The following FBRS variants were observed in gnomAD, a reference collection of about 807,000 sequenced individuals.
FBRS encodes the protein fibrosin, also known as probable fibrosin-1.
In FBRS, 15 loss-of-function variants were observed where a neutral mutation model predicts 86.1. The ratio of observed to expected loss-of-function variants is 0.17; its 90% CI spans 0.12 to 0.27. The LOEUF (loss-of-function observed/expected upper bound fraction) is 0.27. FBRS is among the 10% of genes least tolerant of loss of function. FBRS has a pLI of 1.00. For synonymous variants in FBRS, 666 were observed against 575.8 expected (o/e 1.16, Z -2.24); for missense variants, 1,367 against 1,301.6 (o/e 1.05, Z -0.77).
rs2052576582 is a variant in FBRS at position 30,669,943 on chromosome 16, AGGGCCTCTAGGCCCT to A, written c.*305_*319del. ...CCTGAGGTACACCTTTGCCCCTGTAAGGGCCTCTAGGCCCTGGGCCTGCCTCCCCAAGGGCTCACT... is the reference window on the plus strand; with the variant it reads ...CCTGAGGTACACCTTTGCCCCTGTAAGGGCCTGCCTCCCCAAGGGCTCACT... On this transcript the variant is annotated 3_prime_UTR_variant, in exon 18 of 18. Transcript: ENST00000356166. This position sits in a 1 kb window ranked among gnomAD's most constrained non-coding sequence, Gnocchi z 5.9. 2 of 544,334 alleles carry A rather than the reference AGGGCCTCTAGGCCCT, an allele frequency of 3.7e-6. No individual in the cohort carries two copies. Among genetic ancestry groups the A allele is most frequent in the Non-Finnish European group, 6.6e-6 (2 of 302,968 alleles). The allele number at this position is 544,334 out of a possible 1,614,324, so 33.7% of individuals were successfully genotyped here.
In FBRS at chr16:30,670,786, T is replaced by C. The variant is rs375161561; in HGVS notation, c.*1141T>C. On this transcript the variant is annotated 3_prime_UTR_variant, in exon 18 of 18. Transcript: ENST00000356166. Reference sequence around the variant, plus strand: ...CTGTAACATGACTTGCGAATATTTATATAAAAACGAGTGTTACAATGAGAC... The same window carrying C: ...CTGTAACATGACTTGCGAATATTTACATAAAAACGAGTGTTACAATGAGAC... 1 of 156,868 alleles carries C rather than the reference T, an allele frequency of 6.4e-6. No homozygotes were observed. Among genetic ancestry groups the C allele is most frequent in the Non-Finnish European group, 1.4e-5 (1 of 70,072 alleles). The allele number at this position is 156,868 out of a possible 1,614,324, so 9.7% of individuals were successfully genotyped here.
rs530067470 is a variant in FBRS, at chr16:30,659,887, C to T, written c.369C>T (p.Ala123=). 3 of 1,548,234 alleles carry T rather than the reference C, an allele frequency of 1.9e-6. No homozygotes were observed. The highest frequency in any genetic ancestry group is 1.2e-5 in the South Asian group (1 of 84,112). ...AGGGGGGCGCAGACGACGGCGAAGCCGAGGAGGAGCCTGAGGAGGAGGAAG... is the reference window on the plus strand; with the variant it reads ...AGGGGGGCGCAGACGACGGCGAAGCTGAGGAGGAGCCTGAGGAGGAGGAAG... ...EEEGGADDGE[A]EEEPEEEEEE... Residue 123 remains alanine (A), a synonymous_variant, in exon 1 of 18, where the codon GCC becomes GCT. Transcript: ENST00000356166.
In FBRS at chr16:30,665,128, A is replaced by C; in HGVS notation, c.1608+49A>C. ...TATGGGGTGTGTGGTGTGGGCGTGG[A>C]TGCATCCATGCTTGTGACCCTGACT... On this transcript the variant is annotated intron_variant, in intron 9 of 17. Coordinates refer to ENST00000356166, the MANE Select transcript of FBRS (RefSeq NM_001105079.3). This position sits in a 1 kb window ranked among gnomAD's most constrained non-coding sequence, Gnocchi z 4.1. The C allele has an allele frequency of 6.3e-7, 1 of 1,594,136 alleles. No individual in the cohort carries two copies. Among genetic ancestry groups the C allele is most frequent in the Non-Finnish European group, 8.5e-7 (1 of 1,171,498 alleles).
Position 30,669,403 on chromosome 16 carries a change from G to A in FBRS, c.2701G>A (p.Gly901Ser), listed in dbSNP as rs1188281370. The change falls in exon 18 of 18, where the codon GGT (glycine) becomes AGT (serine). Residue 901 changes from glycine (G) to serine (S), a missense_variant. Coordinates refer to ENST00000356166, the MANE Select transcript of FBRS (RefSeq NM_001105079.3). The surrounding 1 kb of genome is among the most constrained non-coding windows in gnomAD (Gnocchi z 5.9). ...AAGGCCACCCCGCTTCTATGAGGCG[G>A]GTGAGGAGCTAACTGGACCCGGGGC... The part of the protein sequence containing the change: ...LARPPRFYEA[G>S]EELTGPGAVA... 6.2e-7 allele frequency: 1 copy of A among 1,612,672 alleles called. No individual in the cohort carries two copies. Among genetic ancestry groups the A allele is most frequent in the Non-Finnish European group, 8.5e-7 (1 of 1,179,792 alleles).
At chr16:30,662,490 TGGAGGCACG>T in intron 5 of FBRS, 22 bp downstream of exon 5, 1 of 1,550,664 alleles carries the variant, frequency 6.4e-7, no homozygotes, top group Non-Finnish European at 8.7e-7. Flanking sequence ...GGTCTGGGGC[TGGAGGCACG>T]GGAGGGCAGT....
chr16:30,661,190 G>A lies in FBRS; in HGVS notation c.650G>A (p.Arg217His), dbSNP rs772933850. ...TCTGGTCTTCCTCAGGCGTCCTCCC[G>A]TCACTCTCTGGAAGCTGGATACATA... ...NKRRRKEASSRHSLEAGYICD... is the reference protein window; with the variant it reads ...NKRRRKEASSHHSLEAGYICD... Residue 217 changes from arginine (R) to histidine (H), a missense_variant, in exon 3 of 18, where the codon CGT (arginine) becomes CAT (histidine). Physicochemically the swap from Arg to His is conservative, Grantham distance 29. Around this residue, in one of 3 missense-constraint regions of FBRS, gnomAD observed 702 missense variants for 598.7 expected, o/e 1.17. Coordinates refer to ENST00000356166, the MANE Select transcript of FBRS (RefSeq NM_001105079.3). 21 of 1,550,442 alleles carry A rather than the reference G, an allele frequency of 1.4e-5. No individual in the cohort carries two copies. The highest frequency in any genetic ancestry group is 1.7e-5 in the Non-Finnish European group (20 of 1,147,004).
chr16:30,659,782 T>TCGACCCCCG lies in FBRS; in HGVS notation c.272_280dup (p.Pro91_Pro93dup), dbSNP rs1460099238. Reference sequence around the variant, plus strand: ...GACGCCGGCGGCCCCGTCCGAGACCTCGACCCCCGCGACCCCGAGCTCGGA... The same window carrying TCGACCCCCG: ...GACGCCGGCGGCCCCGTCCGAGACCTCGACCCCCGCGACCCCCGCGACCCCGAGCTCGGA... On this transcript the variant is annotated inframe_insertion, in exon 1 of 18. Coordinates refer to ENST00000356166, the MANE Select transcript of FBRS (RefSeq NM_001105079.3). The TCGACCCCCG allele has an allele frequency of 3.4e-6, 5 of 1,487,778 alleles. No homozygotes were observed. The highest frequency in any genetic ancestry group is 4.5e-6 in the Non-Finnish European group (5 of 1,122,604). 92.2% of individuals were successfully genotyped at this position (1,487,778 alleles called of 1,614,324 possible).
At chr16:30,668,473 C>A in intron 15 of FBRS, 87 bp from the exon 16 acceptor site, 1 of 1,201,738 alleles carries the variant, frequency 8.3e-7, no homozygotes, top group Non-Finnish European at 1.2e-6. Context: ...GGACTCCAGG[C>A]ACCGGTCCTG....
intron 13 of FBRS, 31 bp downstream of exon 13, chr16:30,667,021 G>A: frequency 6.3e-7 from 1 of 1,582,902 alleles, no homozygotes; most frequent in Non-Finnish European, 8.6e-7. Context: ...GGGAGAGTGG[G>A]TCTCAGAGTC....
chr16:30,670,006 C>A lies in FBRS; in HGVS notation c.*361C>A. On this transcript the variant is annotated 3_prime_UTR_variant, in exon 18 of 18. Transcript: ENST00000356166. Reference sequence around the variant, plus strand: ...ACTAAGCCAGAGGCCAAAGTGCCCCCTCCCGTTCACCTACCACCCAAGTCC... The same window carrying A: ...ACTAAGCCAGAGGCCAAAGTGCCCCATCCCGTTCACCTACCACCCAAGTCC... 1 of 514,654 alleles carries A rather than the reference C, an allele frequency of 1.9e-6. No homozygotes were observed. Among genetic ancestry groups the A allele is most frequent in the Non-Finnish European group, 3.7e-6 (1 of 270,610 alleles). 31.9% of individuals were successfully genotyped at this position (514,654 alleles called of 1,614,324 possible).
In FBRS at chr16:30,664,728, C is replaced by G. The variant is rs530435967; in HGVS notation, c.1371C>G (p.Ile457Met). The change falls in exon 8 of 18, where the codon ATC becomes ATG. Residue 457 changes from isoleucine to methionine, a missense_variant. Coordinates refer to ENST00000356166, the MANE Select transcript of FBRS (RefSeq NM_001105079.3). ...CCCCTCCCACAGAGCAGGACCTGAT[C>G]GGCCAGGACCTGAACTCTCGCTACC... is the stretch of plus-strand genomic sequence containing the variant. ...AANALSEQDL[I>M]GQDLNSRYLN... 7 of 1,539,624 alleles carry G rather than the reference C, an allele frequency of 4.5e-6. No homozygotes were observed. The highest frequency in any genetic ancestry group is 6.1e-6 in the Non-Finnish European group (7 of 1,140,082).
In FBRS at chr16:30,659,822, T is replaced by G. The variant is rs1305676057; in HGVS notation, c.304T>G (p.Ser102Ala). The G allele has an allele frequency of 2.0e-6, 3 of 1,516,312 alleles. No individual in the cohort carries two copies. In the Admixed American group the frequency reaches 6.2e-5, roughly 31 times the overall value. The allele number at this position is 1,516,312 out of a possible 1,614,324, so 93.9% of individuals were successfully genotyped here. A position where few individuals can be genotyped will look rare whatever the true frequency, so the allele number is the denominator to read the frequency against. ...RPRARKRPAG[S>A]GSRGEEEEEE... is the part of the protein sequence containing the mutation. ...CCGAGCTCGGAAGCGGCCTGCCGGC[T>G]CGGGCAGCCGCGGGGAGGAAGAGGA... The change falls in exon 1 of 18, where the codon TCG (serine) becomes GCG (alanine). Residue 102 changes from serine (S) to alanine (A), a missense_variant. Around this residue, in one of 3 missense-constraint regions of FBRS, gnomAD observed 702 missense variants for 598.7 expected, o/e 1.17. Coordinates refer to ENST00000356166, the MANE Select transcript of FBRS (RefSeq NM_001105079.3).
At position 30,659,784 on chromosome 16, in the gene FBRS, G is replaced by C. The variant is rs896957855; in HGVS notation, c.266G>C (p.Arg89Pro). 4 of 1,488,944 alleles carry C rather than the reference G, an allele frequency of 2.7e-6. No individual in the cohort carries two copies. The highest frequency in any genetic ancestry group is 4.6e-5 in the Admixed American group (2 of 43,434). The allele number at this position is 1,488,944 out of a possible 1,614,324, so 92.2% of individuals were successfully genotyped here. ...CGCCGGCGGCCCCGTCCGAGACCTC[G>C]ACCCCCGCGACCCCGAGCTCGGAAG... ...PRRRRPRPRP[R>P]PPRPRARKRP... Residue 89 changes from arginine to proline, a missense_variant, in exon 1 of 18, where the codon CGA becomes CCA. Arg to Pro is a moderately radical substitution (Grantham distance 103). Coordinates refer to ENST00000356166, the MANE Select transcript of FBRS (RefSeq NM_001105079.3).
intron 13 of FBRS, 123 bp from the exon 14 acceptor site, chr16:30,667,197 A>G: frequency 1.1e-6 from 1 of 942,966 alleles, no homozygotes; most frequent in Admixed American, 2.5e-5. Context: ...GAGAGGCAGA[A>G]GATAGGCATC....
At position 30,659,444 on chromosome 16, in the gene FBRS, G is replaced by A. The variant is rs1182475700; in HGVS notation, c.-75G>A. 4 of 229,668 alleles carry A rather than the reference G, an allele frequency of 1.7e-5. No homozygotes were observed. Among genetic ancestry groups the A allele is most frequent in the Admixed American group, 5.7e-5 (1 of 17,654 alleles). 14.2% of individuals were successfully genotyped at this position (229,668 alleles called of 1,614,324 possible). On this transcript the variant is annotated 5_prime_UTR_variant, in exon 1 of 18. Transcript: ENST00000356166. ...GTCACTGTGCAGCCGCCAGCGCCGC[G>A]CCTGCGACCCCGGGCCTGCGGACAG... is the stretch of plus-strand genomic sequence containing the variant.
intron 17 of FBRS, 21 bp downstream of exon 17, chr16:30,669,000 G>GCCCCCCCCCCCCCCCCCCCCC: frequency 2.0e-6 from 1 of 506,738 alleles, no homozygotes; most frequent in Non-Finnish European, 2.8e-6. Flanking sequence ...CACCCACCCT[G>GCCCCCCCCCCCCCCCCCCCCC]CCCCTGCCCC....
rs1370754847 is a variant in FBRS, at chr16:30,669,498, A to G, written c.2796A>G (p.Pro932=). The part of the protein sequence containing the change: ...HPLLYSRLAP[P]PPPAAAPGTP... ...TGCTCTACAGCCGCTTGGCTCCTCC[A>G]CCACCACCTGCTGCGGCCCCGGGAA... is the stretch of plus-strand genomic sequence containing the variant. Residue 932 remains proline (P), a synonymous_variant, in exon 18 of 18, where the codon CCA becomes CCG. Coordinates refer to ENST00000356166, the MANE Select transcript of FBRS (RefSeq NM_001105079.3). The surrounding 1 kb of genome is among the most constrained non-coding windows in gnomAD (Gnocchi z 5.9). 2 of 1,612,894 alleles carry G rather than the reference A, an allele frequency of 1.2e-6. No homozygotes were observed. Among genetic ancestry groups the G allele is most frequent in the East Asian group, 2.2e-5 (1 of 44,846 alleles).
intron 2 of FBRS, 127 bp downstream of exon 2, chr16:30,660,569 A>C: frequency 8.0e-7 from 1 of 1,252,592 alleles, no homozygotes; most frequent in East Asian, 3.1e-5. Flanking sequence ...AAGCAGGGCA[A>C]ATTTGAGCCC....
intron 4 of FBRS, among the ~76,000 whole-genome samples, chr16:30,661,552 G>C (rs1320684902): frequency 6.6e-6 from 1 of 152,094 alleles, no homozygotes; most frequent in East Asian, 1.9e-4. Flanking sequence ...AAGGAATGGA[G>C]GGTCCATGCT....
Sources: gnomAD v4.1 joint callset for allele counts (sites outside exome capture counted in the v4.1 genomes callset) on GRCh38, gnomAD v4.1.1 for gene constraint, gnomAD v4.1.1 regional missense constraint, Gnocchi (gnomAD v3.1) non-coding constraint, MANE v1.5 for transcripts, NCBI Gene and HGNC (gene_info 2026-07-23, HGNC 2026-07-21) for gene names.